CLIP4: variants seen among roughly 807,000 people sequenced by gnomAD.
CLIP4 encodes the protein CAP-Gly domain-containing linker protein 4.
In CLIP4, 47 loss-of-function variants were observed where a neutral mutation model predicts 73.1. That is an observed-to-expected ratio of 0.64 (90% confidence interval 0.51 to 0.82). The LOEUF is 0.82. Among genes scored for constraint, CLIP4 ranks in the 40% least tolerant of loss-of-function variants. CLIP4 has a pLI of 0.00. For missense variants in CLIP4, 874 were observed against 852.9 expected (o/e 1.02, Z -0.31); for synonymous variants, 306 against 295.4 (o/e 1.04, Z -0.37).
rs142565129 is a variant in CLIP4, at chr2:29,125,237, G to T, written c.133+3716G>T. Reference sequence around the variant, plus strand: ...GGCCCCTGGTGCCAGAAAGATTGGGGACTGCTGTTCTACTCAATGCTGTGT... The same window carrying T: ...GGCCCCTGGTGCCAGAAAGATTGGGTACTGCTGTTCTACTCAATGCTGTGT... On this transcript the variant is annotated intron_variant, in intron 2 of 15. Transcript: ENST00000320081. Among the ~76,000 whole-genome samples the T allele has an allele frequency of 3.1e-3, 474 of 152,264 alleles. 1 individual carries two copies. The highest frequency in any genetic ancestry group is 0.011 in the African/African-American group (452 of 41,550).
intron 14 of CLIP4, among the ~76,000 whole-genome samples, chr2:29,171,557 C>T (rs186233479): frequency 0.012 from 1,772 of 145,326 alleles, 19 homozygotes; most frequent in Non-Finnish European, 0.02. Context: ...CTTGCTCTGT[C>T]GCCCAGGCTG....
chr2:29,155,671 C>T (rs539212795), intron 9 of CLIP4, among the ~76,000 whole-genome samples: 41 of 152,142 alleles, frequency 2.7e-4, no homozygotes, highest in Non-Finnish European at 5.4e-4. Context: ...CACAAAATGT[C>T]TCCTCTCCAC....
At chr2:29,178,156 A>G (rs1012940207) in intron 15 of CLIP4, among the ~76,000 whole-genome samples, 2 of 151,932 alleles carry the variant, frequency 1.3e-5, no homozygotes, top group Non-Finnish European at 2.9e-5. Flanking sequence ...CACTTTTCCA[A>G]TTGTTTTCCT....
intron 6 of CLIP4, among the ~76,000 whole-genome samples, chr2:29,142,670 A>G (rs1410778606): frequency 6.6e-6 from 1 of 152,250 alleles, no homozygotes; most frequent in East Asian, 1.9e-4. Context: ...ATGCGAAGCA[A>G]TTGCAAACTA....
chr2:29,175,834 T>C (rs1668297548), intron 15 of CLIP4, among the ~76,000 whole-genome samples: 1 of 152,168 alleles, frequency 6.6e-6, no homozygotes, highest in Admixed American at 6.5e-5. Flanking sequence ...TGATCTCGGC[T>C]CACTGCAAGC....
At chr2:29,128,621 G>GA (rs1429459223) in intron 2 of CLIP4, among the ~76,000 whole-genome samples, 16 of 152,214 alleles carry the variant, frequency 1.1e-4, no homozygotes, top group African/African-American at 3.9e-4. Context: ...CATACTCCAA[G>GA]AAAGTTTAGT....
At chr2:29,098,444 A>G (rs1667942075) in intron 1 of CLIP4, among the ~76,000 whole-genome samples, 1 of 152,138 alleles carries the variant, frequency 6.6e-6, no homozygotes, top group Admixed American at 6.5e-5. Flanking sequence ...ACCACTGATC[A>G]TTTTACGGTC....
intron 1 of CLIP4, among the ~76,000 whole-genome samples, chr2:29,098,232 A>G (rs185089058): frequency 1.3e-3 from 199 of 152,374 alleles, no homozygotes; most frequent in Middle Eastern, 3.4e-3. Flanking sequence ...CGATCAATGA[A>G]TAGATAATGC....
rs1421688794 is a variant in CLIP4 at position 29,163,878 on chromosome 2, G to T, written c.1582G>T (p.Gly528Cys). ...TGAAAAACCCCATGGCAAGAATGAT[G>T]GTTCAGTTGGAGGTGTGCAGTATTT... is the stretch of plus-strand genomic sequence containing the variant. ...ELEKPHGKNDGSVGGVQYFSC... is the reference protein window; with the variant it reads ...ELEKPHGKNDCSVGGVQYFSC... Residue 528 changes from glycine to cysteine, a missense_variant, in exon 13 of 16, where the codon GGT becomes TGT. Gly to Cys is a radical substitution (Grantham distance 159, BLOSUM62 -3). Coordinates refer to ENST00000320081, the MANE Select transcript of CLIP4 (RefSeq NM_024692.6). 12 of 1,613,548 alleles carry T rather than the reference G, an allele frequency of 7.4e-6. No homozygotes were observed. In the East Asian group the frequency reaches 2.5e-4, roughly 33 times the overall value.
intron 4 of CLIP4, 158 bp downstream of exon 4, chr2:29,132,403 A>G (rs1296397793): frequency 1.6e-6 from 1 of 626,470 alleles, no homozygotes; most frequent in South Asian, 2.0e-5. Context: ...TCCAAAAACC[A>G]TATTCCCTTT....
chr2:29,122,240 C>CTTT (rs11359647), intron 2 of CLIP4, among the ~76,000 whole-genome samples: 12 of 135,274 alleles, frequency 8.9e-5, no homozygotes, highest in African/African-American at 3.2e-4. Context: ...CTCCAAGTTT[C>CTTT]TTTTTTTTTT....
At chr2:29,118,954 T>C (rs1406349658) in intron 1 of CLIP4, among the ~76,000 whole-genome samples, 1 of 152,080 alleles carries the variant, frequency 6.6e-6, no homozygotes, top group Non-Finnish European at 1.5e-5. Flanking sequence ...TGACCAAGAG[T>C]CCAGGTGTTG....
At position 29,143,784 on chromosome 2, in the gene CLIP4, G is replaced by A; in HGVS notation, c.724G>A (p.Ala242Thr). Reference sequence around the variant, plus strand: ...GCCGTTAGAGATGGCTGACGCCGCAGCCACTGCTAAGGAAATCAAGCAGAT... The same window carrying A: ...GCCGTTAGAGATGGCTGACGCCGCAACCACTGCTAAGGAAATCAAGCAGAT... Reference protein sequence around the residue: ...DMPLEMADAAATAKEIKQMLL... With the variant: ...DMPLEMADAATTAKEIKQMLL... The change falls in exon 7 of 16, where the codon GCC becomes ACC. Residue 242 changes from alanine to threonine, a missense_variant. Physicochemically the swap from Ala to Thr is moderately conservative, Grantham distance 58. Transcript: ENST00000320081. The A allele has an allele frequency of 1.2e-6, 2 of 1,614,156 alleles. No individual in the cohort carries two copies. The highest frequency in any genetic ancestry group is 8.5e-7 in the Non-Finnish European group (1 of 1,180,002).
intron 1 of CLIP4, among the ~76,000 whole-genome samples, chr2:29,106,873 ATTC>A (rs1261856492): frequency 9.9e-5 from 15 of 152,226 alleles, no homozygotes. Context: ...ACAATAGCTT[ATTC>A]TTCTTGTGTT....
chr2:29,172,926 C>T (rs1234753267), intron 14 of CLIP4, among the ~76,000 whole-genome samples: 4 of 151,898 alleles, frequency 2.6e-5, no homozygotes, highest in Admixed American at 2.0e-4. Flanking sequence ...GCAATTCTTT[C>T]CCCATATTTT....
chr2:29,146,070 A>G (rs1057218950), intron 8 of CLIP4, among the ~76,000 whole-genome samples: 3 of 152,160 alleles, frequency 2.0e-5, no homozygotes, highest in Non-Finnish European at 4.4e-5. Context: ...AATTGTCTCA[A>G]TGATGTTTTT....
chr2:29,107,820 G>A (rs541527569), intron 1 of CLIP4, among the ~76,000 whole-genome samples: 1 of 152,292 alleles, frequency 6.6e-6, no homozygotes, highest in East Asian at 1.9e-4. Context: ...CCAAGTAGCT[G>A]AGACTACAAG....
rs1668705762 is a variant in CLIP4, at chr2:29,182,807, T to C, written c.*914T>C. The stretch of plus-strand genomic sequence containing the variant: ...GCACTTTTCAAACATGATGCACTTT[T>C]ATCTTTGTGAATAATTTACTGTCCT... On this transcript the variant is annotated 3_prime_UTR_variant, in exon 16 of 16. Coordinates refer to ENST00000320081, the MANE Select transcript of CLIP4 (RefSeq NM_024692.6). 1 of 152,674 alleles carries C rather than the reference T, an allele frequency of 6.5e-6. No homozygotes were observed. Among genetic ancestry groups the C allele is most frequent in the Admixed American group, 6.5e-5 (1 of 15,286 alleles). 9.5% of individuals were successfully genotyped at this position (152,674 alleles called of 1,614,324 possible).
chr2:29,162,236 G>C (rs1667340613), intron 12 of CLIP4, among the ~76,000 whole-genome samples: 1 of 152,102 alleles, frequency 6.6e-6, no homozygotes, highest in South Asian at 2.1e-4. Flanking sequence ...TAGAAATTTG[G>C]GAAGTAGTAA....
Sources: allele counts gnomAD v4.1 joint callset (sites outside exome capture counted in the v4.1 genomes callset), GRCh38; gene constraint gnomAD v4.1.1; transcripts MANE v1.5; gene names NCBI Gene and HGNC (gene_info 2026-07-23, HGNC 2026-07-21).